Variants in ANKRD55 observed in about 807,000 individuals in gnomAD.
The protein encoded by ANKRD55 is ankyrin repeat domain-containing protein 55.
In ANKRD55, 41 loss-of-function variants were observed where a neutral mutation model predicts 60.6. That is an observed-to-expected ratio of 0.68 (90% CI 0.53 to 0.88). The LOEUF is 0.88. Among genes scored for constraint, ANKRD55 ranks in the 40% least tolerant of loss-of-function variants. The pLI, the probability that ANKRD55 is intolerant of heterozygous loss-of-function variation, is 0.00. For missense variants in ANKRD55, 732 were observed against 767.6 expected, an observed-to-expected ratio of 0.95 and a Z score of 0.55; for synonymous variants, 264 against 290.3, an observed-to-expected ratio of 0.91 and a Z score of 0.92.
At chr5:56,109,912 G>A (rs556001505) in intron 10 of ANKRD55, among the ~76,000 whole-genome samples, 6 of 152,008 alleles carry the variant, frequency 3.9e-5, no homozygotes, top group Admixed American at 3.9e-4. Context: ...CAGCTACTTG[G>A]GAGGCTGAGG....
intron 2 of ANKRD55, among the ~76,000 whole-genome samples, chr5:56,231,816 G>T (rs889322759): frequency 2.0e-5 from 3 of 152,022 alleles, no homozygotes; most frequent in African/African-American, 7.3e-5. Context: ...AACCCCCTGG[G>T]CTAAAATAAT....
chr5:56,125,168 T>G lies in ANKRD55; in HGVS notation c.797+1754A>C, dbSNP rs767994104. Among the ~76,000 whole-genome samples, 127 of 152,194 alleles carry G rather than the reference T, an allele frequency of 8.3e-4. 1 individual carries two copies. Among genetic ancestry groups the G allele is most frequent in the Non-Finnish European group, 1.5e-3 (103 of 68,022 alleles). On this transcript the variant is annotated intron_variant, in intron 8 of 11. Coordinates refer to ENST00000341048, the MANE Select transcript of ANKRD55 (RefSeq NM_024669.3). Reference sequence around the variant, plus strand: ...AGCCTGCCTTTCTGAAATTTGTTCTTTTTTTAAAAAATGGTTAATTCACTT... The same window carrying G: ...AGCCTGCCTTTCTGAAATTTGTTCTGTTTTTAAAAAATGGTTAATTCACTT...
chr5:56,183,424 T>C, intron 3 of ANKRD55, 88 bp downstream of exon 3: 1 of 1,533,656 alleles, frequency 6.5e-7, no homozygotes, highest in Non-Finnish European at 8.9e-7. Flanking sequence ...TGGTCAGATA[T>C]ACATTTATTA....
intron 7 of ANKRD55, among the ~76,000 whole-genome samples, chr5:56,140,777 G>C (rs1233203348): frequency 1.3e-5 from 2 of 152,154 alleles, no homozygotes; most frequent in Non-Finnish European, 2.9e-5. Flanking sequence ...AATAATGTAT[G>C]TGTGGCTGGG....
At position 56,111,540 on chromosome 5, in the gene ANKRD55, A is replaced by G. The variant is rs1320039249; in HGVS notation, c.1208T>C (p.Met403Thr). 6.2e-7 allele frequency: 1 copy of G among 1,613,832 alleles called. No homozygotes were observed. Among genetic ancestry groups the G allele is most frequent in the Non-Finnish European group, 8.5e-7 (1 of 1,179,940 alleles). ...TGAGGTTTTCTTCTTAAATTCAACC[A>G]TAGCCACCTGATCACCAGGCTGTTC... ...CQEQPGDQVA[M>T]VEFKKKTSDN... The change falls in exon 10 of 12, where the codon ATG becomes ACG. Residue 403 changes from methionine to threonine, a missense_variant. Met to Thr is a moderately conservative substitution (Grantham distance 81). Transcript: ENST00000341048.
At chr5:56,125,372 T>C (rs971905578) in intron 8 of ANKRD55, among the ~76,000 whole-genome samples, 5 of 151,776 alleles carry the variant, frequency 3.3e-5, no homozygotes, top group Admixed American at 2.6e-4. Context: ...CCTCTGCCTC[T>C]TGGGTTCAAG....
intron 4 of ANKRD55, 37 bp downstream of exon 4, chr5:56,176,115 C>T: frequency 1.2e-6 from 2 of 1,613,448 alleles, no homozygotes; most frequent in Non-Finnish European, 1.7e-6. Context: ...TTCGCCTACC[C>T]TGCTCCTTCC....
chr5:56,183,303 G>A (rs1225571075), intron 3 of ANKRD55, among the ~76,000 whole-genome samples: 1 of 152,024 alleles, frequency 6.6e-6, no homozygotes, highest in African/African-American at 2.4e-5. Flanking sequence ...CTAACTACTT[G>A]ACCTATCTAT....
At chr5:56,214,730 T>G (rs1018720973) in intron 2 of ANKRD55, among the ~76,000 whole-genome samples, 1 of 152,202 alleles carries the variant, frequency 6.6e-6, no homozygotes, top group African/African-American at 2.4e-5. Flanking sequence ...CTTCTAATTC[T>G]AAAGGGACTG....
At chr5:56,110,631 A>C (rs1266284002) in intron 10 of ANKRD55, 5 of 166,216 alleles carry the variant, frequency 3.0e-5, no homozygotes, top group Non-Finnish European at 6.6e-5. Context: ...ATGTGTTGAG[A>C]TCTAACTCAC....
chr5:56,174,921 T>C (rs552442806), intron 4 of ANKRD55, among the ~76,000 whole-genome samples: 1 of 150,948 alleles, frequency 6.6e-6, no homozygotes, highest in South Asian at 2.1e-4. Flanking sequence ...GCTCCCAGAG[T>C]ATCTGACTCA....
At chr5:56,157,985 A>G (rs1758238137) in intron 6 of ANKRD55, among the ~76,000 whole-genome samples, 1 of 152,194 alleles carries the variant, frequency 6.6e-6, no homozygotes, top group South Asian at 2.1e-4. Context: ...GTTTGAGACC[A>G]GCCTGCTCAA....
intron 8 of ANKRD55, among the ~76,000 whole-genome samples, chr5:56,120,120 T>C (rs1304482993): frequency 6.6e-6 from 1 of 151,438 alleles, no homozygotes; most frequent in Non-Finnish European, 1.5e-5. Flanking sequence ...CACTGAAACC[T>C]CCGACTCCCT....
rs72767229 is a variant in ANKRD55, at chr5:56,156,092, T to G, written c.483+3741A>C. ...CACACTCTGGTCACTCTGCCCATGGTGTGGAAGCAGGCAGCCGGAGTGGCG... is the reference window on the plus strand; with the variant it reads ...CACACTCTGGTCACTCTGCCCATGGGGTGGAAGCAGGCAGCCGGAGTGGCG... On this transcript the variant is annotated intron_variant, in intron 6 of 11. Coordinates refer to ENST00000341048, the MANE Select transcript of ANKRD55 (RefSeq NM_024669.3). Among the ~76,000 whole-genome samples the G allele has an allele frequency of 9.6e-3, 1,457 of 152,096 alleles. 10 individuals carry two copies. The highest frequency in any genetic ancestry group is 0.015 in the Non-Finnish European group (1,013 of 67,960).
chr5:56,161,685 C>T (rs1163624348), intron 5 of ANKRD55, among the ~76,000 whole-genome samples: 2 of 152,148 alleles, frequency 1.3e-5, no homozygotes, highest in Admixed American at 6.5e-5. Context: ...GACCTCACTA[C>T]TGCACGATCT....
intron 9 of ANKRD55, among the ~76,000 whole-genome samples, chr5:56,112,832 T>C (rs958903178): frequency 6.6e-6 from 1 of 152,242 alleles, no homozygotes; most frequent in African/African-American, 2.4e-5. Context: ...TGGAGTGAGA[T>C]ATCGCAATCT....
At chr5:56,146,127 C>T (rs1350536952) in intron 6 of ANKRD55, among the ~76,000 whole-genome samples, 1 of 152,102 alleles carries the variant, frequency 6.6e-6, no homozygotes, top group Non-Finnish European at 1.5e-5. Context: ...GGCTTCATCA[C>T]GAAGTGCCAA....
At chr5:56,191,924 T>C (rs1337509933) in intron 2 of ANKRD55, among the ~76,000 whole-genome samples, 5 of 152,212 alleles carry the variant, frequency 3.3e-5, no homozygotes, top group African/African-American at 1.2e-4. Context: ...AGAGAATTTC[T>C]ATAGAAATGA....
chr5:56,182,309 T>A (rs1467302683), intron 3 of ANKRD55, among the ~76,000 whole-genome samples: 1 of 152,206 alleles, frequency 6.6e-6, no homozygotes, highest in Non-Finnish European at 1.5e-5. Flanking sequence ...TATTGGCTAT[T>A]TCTTACTGTT....
Sources: allele counts gnomAD v4.1 joint callset (sites outside exome capture counted in the v4.1 genomes callset), GRCh38; gene constraint gnomAD v4.1.1; transcripts MANE v1.5; gene names NCBI Gene and HGNC (gene_info 2026-07-23, HGNC 2026-07-21).